ATP11C: variants seen among roughly 807,000 people sequenced by gnomAD.
ATP11C encodes the protein phospholipid-transporting ATPase IG.
ATP11C carries 36 observed loss-of-function variants against 97.4 expected under a neutral mutation model. The ratio of observed to expected loss-of-function variants is 0.37; its 90% CI spans 0.28 to 0.49. The LOEUF (loss-of-function observed/expected upper bound fraction) is 0.49, where lower values mean the gene tolerates loss of function less well. Ranked by LOEUF, ATP11C falls within the 20% of genes least tolerant of loss-of-function variation. ATP11C has a pLI of 0.98. For synonymous variants in ATP11C, 275 were observed against 290.9 expected (o/e 0.95, Z 0.56); for missense variants, 730 against 824.6 (o/e 0.89, Z 1.40).
rs966600415 is a variant in ATP11C at position 139,813,907 on chromosome X, C to A, written c.426+971G>T. 1.1e-3 allele frequency among the ~76,000 whole-genome samples: 125 copies of A among 111,007 alleles called. 1 individual carries two copies. The highest frequency in any genetic ancestry group is 3.9e-3 in the African/African-American group (119 of 30,498). On this transcript the variant is annotated intron_variant, in intron 5 of 29. Coordinates refer to ENST00000682941, the MANE Select transcript of ATP11C (RefSeq NM_001353812.2). ...TTTAACAAAACCCACAGAATGTACA[C>A]CAAGAGTGACCCCTAATATAATCTA... is the stretch of plus-strand genomic sequence containing the variant.
At chrX:139,880,371 T>C (rs1019948301) in intron 1 of ATP11C, among the ~76,000 whole-genome samples, 8 of 111,872 alleles carry the variant, frequency 7.2e-5, no homozygotes, top group Admixed American at 6.7e-4. Context: ...ACTTTCCCCT[T>C]GCTCATTTTA....
upstream of ATP11C, chrX:139,933,144 C>T (rs2085472654): frequency 1.8e-5 from 2 of 110,695 alleles, no homozygotes; most frequent in African/African-American, 6.6e-5. Flanking sequence ...TCCTTGCTCC[C>T]GGGGCAGCCT....
chrX:139,832,319 T>C, intron 1 of ATP11C: 19 of 1,117,079 alleles, frequency 1.7e-5, no homozygotes, highest in Non-Finnish European at 2.1e-5. Flanking sequence ...GTGAGCCAAT[T>C]ATGGCTTGCC....
At chrX:139,868,637 G>A (rs1275230699) in intron 1 of ATP11C, among the ~76,000 whole-genome samples, 1 of 108,221 alleles carries the variant, frequency 9.2e-6, no homozygotes, top group Non-Finnish European at 1.9e-5. Context: ...TGAGACAGGA[G>A]AATTGTTTGA....
chrX:139,909,571 C>G (rs1251349002), intron 1 of ATP11C, among the ~76,000 whole-genome samples: 1 of 111,741 alleles, frequency 8.9e-6, no homozygotes, highest in Non-Finnish European at 1.9e-5. Flanking sequence ...TGCACACACA[C>G]ACAAGTGAAT....
chrX:139,813,444 T>C (rs2083219356), intron 5 of ATP11C, among the ~76,000 whole-genome samples: 1 of 112,385 alleles, frequency 8.9e-6, no homozygotes, highest in African/African-American at 3.2e-5. Flanking sequence ...ATTGAAAATG[T>C]ATGTCCATAT....
rs2082485435 is a variant in ATP11C at position 139,782,571 on chromosome X, A to G, written c.1928T>C (p.Ile643Thr). Residue 643 changes from isoleucine (I) to threonine (T), a missense_variant, in exon 18 of 30, where the codon ATT (isoleucine) becomes ACT (threonine). Physicochemically the swap from Ile to Thr is moderately conservative, Grantham distance 89. Transcript: ENST00000682941. ...CTTGTCTTCAACTGCAGTGGCTCCA[A>G]TTAAATTCATGTTTGTCTCAATATC... is the stretch of plus-strand genomic sequence containing the variant. ...FDDIETNMNL[I>T]GATAVEDKLQ... 8.3e-7 allele frequency: 1 copy of G among 1,204,431 alleles called. No homozygotes were observed. The highest frequency in any genetic ancestry group is 3.0e-5 in the East Asian group (1 of 33,695).
chrX:139,831,404 A>G (rs2083647133), intron 1 of ATP11C, among the ~76,000 whole-genome samples: 1 of 111,633 alleles, frequency 9.0e-6, no homozygotes, highest in African/African-American at 3.3e-5. Flanking sequence ...CAAACACCTA[A>G]ATCAGCAAGC....
At chrX:139,863,090 A>G (rs868146864) in intron 1 of ATP11C, among the ~76,000 whole-genome samples, 1 of 111,965 alleles carries the variant, frequency 8.9e-6, no homozygotes, top group Non-Finnish European at 1.9e-5. Context: ...TGGGTCTGCC[A>G]AAATTATACC....
intron 29 of ATP11C, 81 bp from the exon 30 acceptor site, chrX:139,729,043 T>C: frequency 1.3e-6 from 1 of 778,554 alleles, no homozygotes; most frequent in Non-Finnish European, 1.9e-6. Flanking sequence ...CAGAAATAAG[T>C]AGTAAATTTT....
chrX:139,745,512 C>T (rs1303662384), intron 25 of ATP11C, among the ~76,000 whole-genome samples: 5 of 112,149 alleles, frequency 4.5e-5, no homozygotes, highest in South Asian at 3.7e-4. Context: ...AAAGTTTGCA[C>T]ATAAGCTCTC....
At chrX:139,835,069 G>A (rs761846332) in intron 1 of ATP11C, among the ~76,000 whole-genome samples, 1 of 112,042 alleles carries the variant, frequency 8.9e-6, no homozygotes, top group East Asian at 2.8e-4. Context: ...CTATGCTAGA[G>A]TCCACTGGTA....
intron 1 of ATP11C, among the ~76,000 whole-genome samples, chrX:139,848,446 C>T (rs2147945988): frequency 9.0e-6 from 1 of 110,741 alleles, no homozygotes; most frequent in South Asian, 3.9e-4. Flanking sequence ...TTTTCAGCTC[C>T]ATAACTTCTA....
At chrX:139,834,301 T>C (rs1305998131) in intron 1 of ATP11C, among the ~76,000 whole-genome samples, 2 of 111,680 alleles carry the variant, frequency 1.8e-5, no homozygotes. Context: ...GTCCAGAACA[T>C]ATACCGTTAG....
intron 1 of ATP11C, among the ~76,000 whole-genome samples, chrX:139,872,243 T>C (rs2084389560): frequency 1.1e-5 from 1 of 91,371 alleles, no homozygotes; most frequent in Non-Finnish European, 2.1e-5. Context: ...TAAAAGAAGC[T>C]TCTAGGTTCA....
intron 1 of ATP11C, among the ~76,000 whole-genome samples, chrX:139,897,828 G>C (rs374137338): frequency 9.1e-6 from 1 of 109,809 alleles, no homozygotes. Flanking sequence ...AGCTACTCAG[G>C]AGGCTGAGGT....
intron 20 of ATP11C, among the ~76,000 whole-genome samples, chrX:139,766,228 T>C (rs1475920722): frequency 9.0e-6 from 1 of 111,246 alleles, no homozygotes; most frequent in Non-Finnish European, 1.9e-5. Flanking sequence ...AAAATAACTA[T>C]AGTGACAGAA....
intron 14 of ATP11C, among the ~76,000 whole-genome samples, chrX:139,787,676 G>A (rs976158044): frequency 4.4e-5 from 5 of 112,459 alleles, no homozygotes; most frequent in Non-Finnish European, 7.5e-5. Flanking sequence ...ACATATAACT[G>A]TACTTTCTTT....
chrX:139,917,376 T>C (rs189129330), intron 1 of ATP11C, among the ~76,000 whole-genome samples: 7 of 111,613 alleles, frequency 6.3e-5, no homozygotes, highest in Non-Finnish European at 1.1e-4. Flanking sequence ...TCAAAGTAAG[T>C]AATCATCACA....
Sources: gnomAD v4.1 joint callset for allele counts (sites outside exome capture counted in the v4.1 genomes callset) on GRCh38, gnomAD v4.1.1 for gene constraint, MANE v1.5 for transcripts, NCBI Gene and HGNC (gene_info 2026-07-23, HGNC 2026-07-21) for gene names.